TENM3: variants seen among roughly 807,000 people sequenced by gnomAD.
TENM3 encodes teneurin-3.
Under a neutral mutation model 255.1 loss-of-function variants are expected in TENM3, and 63 were observed. That is an observed-to-expected ratio of 0.25 (90% CI 0.20 to 0.30). The LOEUF (loss-of-function observed/expected upper bound fraction) is 0.30. Ranked by LOEUF, TENM3 falls within the 10% of genes least tolerant of loss-of-function variation. The probability of loss-of-function intolerance (pLI) is 1.00; values close to 1 mark genes in which losing one functional copy is unlikely to be tolerated. For synonymous variants in TENM3, 1,306 were observed against 1,322.3 expected, an observed-to-expected ratio of 0.99 and a Z score of 0.27; for missense variants, 2,929 against 3,461.1, an observed-to-expected ratio of 0.85 and a Z score of 3.86.
intron 3 of TENM3, among the ~76,000 whole-genome samples, chr4:182,385,980 A>G (rs1767889964): frequency 6.6e-6 from 1 of 152,210 alleles, no homozygotes; most frequent in African/African-American, 2.4e-5. Context: ...AGTAATATCT[A>G]CCTTTTAAAA....
the TENM3 span, among the ~76,000 whole-genome samples, chr4:181,904,094 A>G: frequency 0.15 from 22,776 of 152,066 alleles, 2,026 homozygotes; most frequent in Non-Finnish European, 0.2. Flanking sequence ...ATCCACTTCC[A>G]TATTTACTGC....
At chr4:182,264,803 G>T (rs1247148520) in intron 1 of TENM3, among the ~76,000 whole-genome samples, 9 of 152,154 alleles carry the variant, frequency 5.9e-5, no homozygotes, top group Non-Finnish European at 5.9e-5. Context: ...AATCTGAAAG[G>T]ATTTCTTTTT....
chr4:181,981,434 A>G, the TENM3 span, among the ~76,000 whole-genome samples: 2 of 152,212 alleles, frequency 1.3e-5, no homozygotes, highest in Non-Finnish European at 1.5e-5. Context: ...TACTTTAAAA[A>G]TGTATATAAG....
intron 3 of TENM3, among the ~76,000 whole-genome samples, chr4:182,434,234 GA>G (rs1771879707): frequency 6.6e-6 from 1 of 152,162 alleles, no homozygotes; most frequent in Non-Finnish European, 1.5e-5. Context: ...TGAGGACCGG[GA>G]AAGGAGGTGA....
At chr4:181,508,461 A>G in the TENM3 span, among the ~76,000 whole-genome samples, 1 of 152,370 alleles carries the variant, frequency 6.6e-6, no homozygotes, top group Middle Eastern at 3.4e-3. Flanking sequence ...ATGATGCCTT[A>G]CAAGCAGTAT....
rs748998537 is a variant in TENM3 at position 182,653,850 on chromosome 4, T to A, written c.1068T>A (p.Asp356Glu). Residue 356 changes from aspartate to glutamate, a missense_variant, in exon 6 of 28, where the codon GAT (aspartate) becomes GAA (glutamate). Coordinates refer to ENST00000511685, the MANE Select transcript of TENM3 (RefSeq NM_001080477.4). ...DTFENGKVNS[D>E]TMPTNTVSLP... ...TTGAGAATGGAAAAGTGAATTCTGA[T>A]ACCATGCCAACAAACACTGTGTCAT... 1.9e-6 allele frequency: 3 copies of A among 1,613,344 alleles called. No homozygotes were observed. Among genetic ancestry groups the A allele is most frequent in the Non-Finnish European group, 2.5e-6 (3 of 1,179,534 alleles).
the TENM3 span, among the ~76,000 whole-genome samples, chr4:181,713,542 C>T: frequency 6.6e-6 from 1 of 152,208 alleles, no homozygotes; most frequent in African/African-American, 2.4e-5. Flanking sequence ...AGTAAGGCCT[C>T]CATGTGCCTT....
At chr4:182,367,037 A>C (rs1766476498) in intron 3 of TENM3, among the ~76,000 whole-genome samples, 1 of 152,164 alleles carries the variant, frequency 6.6e-6, no homozygotes, top group Admixed American at 6.5e-5. Flanking sequence ...ACAGGGAAAC[A>C]ATCGGAAGAC....
At chr4:182,071,900 A>G in the TENM3 span, among the ~76,000 whole-genome samples, 4 of 152,156 alleles carry the variant, frequency 2.6e-5, no homozygotes, top group Non-Finnish European at 5.9e-5. Flanking sequence ...GAAACCTAAC[A>G]TCATATTCAA....
intron 1 of TENM3, among the ~76,000 whole-genome samples, chr4:182,231,668 T>C (rs567711643): frequency 6.6e-6 from 1 of 152,222 alleles, no homozygotes; most frequent in Non-Finnish European, 1.5e-5. Flanking sequence ...CAGGAGTGCC[T>C]CCTCTCCTAG....
At chr4:181,674,969 T>C in the TENM3 span, among the ~76,000 whole-genome samples, 3 of 152,098 alleles carry the variant, frequency 2.0e-5, no homozygotes, top group African/African-American at 7.2e-5. Flanking sequence ...CCATAAATCA[T>C]TCCAACACCT....
At chr4:181,509,396 A>AT in the TENM3 span, among the ~76,000 whole-genome samples, 25,321 of 147,532 alleles carry the variant, frequency 0.17, 2,143 homozygotes, top group East Asian at 0.27. Context: ...CTAAGGTGCA[A>AT]TTTTTTTTTT....
chr4:181,681,151 CA>C, the TENM3 span, among the ~76,000 whole-genome samples: 1 of 151,832 alleles, frequency 6.6e-6, no homozygotes, highest in South Asian at 2.1e-4. Context: ...ATTTCCAAGT[CA>C]AACAGAACAG....
the TENM3 span, among the ~76,000 whole-genome samples, chr4:181,918,743 T>A: frequency 6.6e-6 from 1 of 152,116 alleles, no homozygotes; most frequent in Non-Finnish European, 1.5e-5. Flanking sequence ...TTTCTTCCTA[T>A]CTGTCTGCCT....
Position 182,730,935 on chromosome 4 carries a change from A to G in TENM3, c.2763A>G (p.Pro921=), listed in dbSNP as rs1253040867. 9 of 1,613,928 alleles carry G rather than the reference A, an allele frequency of 5.6e-6. No homozygotes were observed. The highest frequency in any genetic ancestry group is 2.2e-5 in the South Asian group (2 of 91,074). Reference sequence around the variant, plus strand: ...TAACTTTGGTATTTGAACGATCCCCATTCCTCACTCAGTATCATACTGTGT... The same window carrying G: ...TAACTTTGGTATTTGAACGATCCCCGTTCCTCACTCAGTATCATACTGTGT... ...ASLTLVFERS[P]FLTQYHTVWI... The change falls in exon 16 of 28, where the codon CCA becomes CCG. Residue 921 remains proline, a synonymous_variant. Coordinates refer to ENST00000511685, the MANE Select transcript of TENM3 (RefSeq NM_001080477.4).
intron 27 of TENM3, among the ~76,000 whole-genome samples, chr4:182,797,880 T>C (rs1167985269): frequency 6.6e-6 from 1 of 152,232 alleles, no homozygotes; most frequent in African/African-American, 2.4e-5. Flanking sequence ...ACACAGGCTA[T>C]CTACAGTACC....
At chr4:181,758,510 A>C in the TENM3 span, among the ~76,000 whole-genome samples, 1 of 152,220 alleles carries the variant, frequency 6.6e-6, no homozygotes, top group Admixed American at 6.5e-5. Flanking sequence ...TGCATAGAAG[A>C]ATTGGAAGGA....
chr4:182,230,146 A>G (rs1422264104), intron 1 of TENM3, among the ~76,000 whole-genome samples: 1 of 131,324 alleles, frequency 7.6e-6, no homozygotes, highest in African/African-American at 2.8e-5. Flanking sequence ...AAAAAAAAAA[A>G]AATCTTCCCA....
At chr4:182,182,536 CAGG>C (rs1236892567) in intron 1 of TENM3, among the ~76,000 whole-genome samples, 1 of 152,098 alleles carries the variant, frequency 6.6e-6, no homozygotes, top group East Asian at 1.9e-4. Context: ...ATTTCTGCAC[CAGG>C]AGAATGACTT....
Sources: gnomAD v4.1 joint callset for allele counts (sites outside exome capture counted in the v4.1 genomes callset) on GRCh38, gnomAD v4.1.1 for gene constraint, MANE v1.5 for transcripts, NCBI Gene and HGNC (gene_info 2026-07-23, HGNC 2026-07-21) for gene names.